HOOK3: variants seen among roughly 807,000 people sequenced by gnomAD.
HOOK3 encodes the protein protein Hook homolog 3.
A neutral mutation model predicts 116.3 loss-of-function variants in HOOK3; 24 were observed. The observed-to-expected ratio is 0.21, with a 90% CI of 0.15 to 0.29. The LOEUF is 0.29. Among genes scored for constraint, HOOK3 ranks in the 10% least tolerant of loss-of-function variants. The pLI, the probability that HOOK3 is intolerant of heterozygous loss-of-function variation, is 1.00. For synonymous variants in HOOK3, 275 were observed against 283.0 expected (o/e 0.97, Z 0.28); for missense variants, 632 against 830.2 (o/e 0.76, Z 2.93).
intron 13 of HOOK3, 92 bp downstream of exon 13, chr8:42,974,286 A>T (rs1808778500): frequency 1.1e-6 from 1 of 921,080 alleles, no homozygotes; most frequent in Non-Finnish European, 1.8e-6. Context: ...GTGCAATGGC[A>T]CTGTCTTGGC....
At chr8:42,955,514 A>T (rs1808416728) in intron 6 of HOOK3, among the ~76,000 whole-genome samples, 1 of 152,322 alleles carries the variant, frequency 6.6e-6, no homozygotes, top group Admixed American at 6.5e-5. Flanking sequence ...AAGACATGAA[A>T]TCTAGAGAAA....
chr8:42,964,274 T>C, intron 8 of HOOK3, 37 bp from the exon 9 acceptor site: 3 of 1,605,334 alleles, frequency 1.9e-6, no homozygotes. Context: ...CCAGTGTAGT[T>C]GGAAGAAATA....
chr8:42,936,498 C>T (rs1374481410), intron 4 of HOOK3, among the ~76,000 whole-genome samples: 1 of 152,144 alleles, frequency 6.6e-6, no homozygotes, highest in Non-Finnish European at 1.5e-5. Flanking sequence ...CCAGCTTTTG[C>T]CCATTCAGTA....
At chr8:42,955,856 C>T (rs890277726) in intron 6 of HOOK3, among the ~76,000 whole-genome samples, 1 of 152,186 alleles carries the variant, frequency 6.6e-6, no homozygotes, top group Non-Finnish European at 1.5e-5. Context: ...CTCAACAGTA[C>T]ATCCTTTTGC....
chr8:42,981,451 C>G (rs1008050724), intron 13 of HOOK3, among the ~76,000 whole-genome samples: 2 of 152,162 alleles, frequency 1.3e-5, no homozygotes, highest in African/African-American at 4.8e-5. Context: ...ATCCTTTGAC[C>G]TAGCACTTTT....
intron 3 of HOOK3, among the ~76,000 whole-genome samples, chr8:42,929,734 A>G (rs890609475): frequency 5.9e-5 from 9 of 152,274 alleles, no homozygotes; most frequent in African/African-American, 1.2e-4. Flanking sequence ...CTTAATTTCT[A>G]TATAGATGCA....
intron 18 of HOOK3, among the ~76,000 whole-genome samples, chr8:43,008,227 C>T (rs1032036405): frequency 2.6e-4 from 39 of 151,910 alleles, no homozygotes; most frequent in Non-Finnish European, 3.2e-4. Flanking sequence ...ACCATGTTAG[C>T]CAGGATGGTT....
intron 11 of HOOK3, among the ~76,000 whole-genome samples, chr8:42,972,622 A>C (rs1318589289): frequency 2.0e-5 from 3 of 152,062 alleles, no homozygotes; most frequent in Non-Finnish European, 4.4e-5. Flanking sequence ...TCTGGTCTCA[A>C]ATTTTGGGTT....
intron 2 of HOOK3, among the ~76,000 whole-genome samples, chr8:42,921,446 CTCTT>C (rs1807655591): frequency 6.6e-6 from 1 of 152,132 alleles, no homozygotes; most frequent in African/African-American, 2.4e-5. Context: ...ATTTTTATAA[CTCTT>C]TAATGTTTTA....
intron 2 of HOOK3, among the ~76,000 whole-genome samples, chr8:42,920,912 C>G (rs1024278526): frequency 2.0e-5 from 3 of 152,154 alleles, no homozygotes; most frequent in African/African-American, 7.2e-5. Flanking sequence ...TTACTGGTGT[C>G]ATACATGGTG....
chr8:43,002,035 T>C, intron 16 of HOOK3, 72 bp from the exon 17 acceptor site: 6 of 1,063,402 alleles, frequency 5.6e-6, no homozygotes, highest in Non-Finnish European at 8.6e-6. Context: ...ACTATTGTAC[T>C]TTTAACTTAA....
At chr8:42,946,832 G>A (rs1265555124) in intron 5 of HOOK3, among the ~76,000 whole-genome samples, 1 of 129,936 alleles carries the variant, frequency 7.7e-6, no homozygotes, top group Non-Finnish European at 1.6e-5. Flanking sequence ...CCAGTGGTGT[G>A]ATCTCGGCTC....
chr8:42,929,711 A>G (rs1161998874), intron 3 of HOOK3, among the ~76,000 whole-genome samples: 1 of 151,980 alleles, frequency 6.6e-6, no homozygotes, highest in Non-Finnish European at 1.5e-5. Context: ...TTTGCCTAAT[A>G]CTCTCTTTAG....
At chr8:42,958,030 C>T (rs1808466988) in intron 7 of HOOK3, among the ~76,000 whole-genome samples, 1 of 152,046 alleles carries the variant, frequency 6.6e-6, no homozygotes, top group Non-Finnish European at 1.5e-5. Flanking sequence ...GACGGGGTTT[C>T]ACCATGTTAG....
intron 1 of HOOK3, among the ~76,000 whole-genome samples, chr8:42,905,395 G>A (rs1329480883): frequency 1.4e-5 from 2 of 147,494 alleles, no homozygotes; most frequent in East Asian, 4.0e-4. Context: ...TCACTGCATT[G>A]GCCTAATCTT....
chr8:42,932,684 C>T (rs1370625111), intron 4 of HOOK3, among the ~76,000 whole-genome samples: 1 of 152,150 alleles, frequency 6.6e-6, no homozygotes, highest in South Asian at 2.1e-4. Flanking sequence ...AATCCAGTCT[C>T]TGAAAATGGT....
chr8:43,013,610 A>G (rs1315225880), intron 21 of HOOK3, among the ~76,000 whole-genome samples: 2 of 152,236 alleles, frequency 1.3e-5, no homozygotes, highest in Non-Finnish European at 2.9e-5. Flanking sequence ...TGAAAACATT[A>G]TTTCTAGAGG....
At chr8:42,997,205 C>T (rs377386161) in intron 15 of HOOK3, among the ~76,000 whole-genome samples, 1 of 152,152 alleles carries the variant, frequency 6.6e-6, no homozygotes, top group Non-Finnish European at 1.5e-5. Context: ...TTCCTGAGTG[C>T]AGAGATCTTT....
intron 4 of HOOK3, among the ~76,000 whole-genome samples, chr8:42,940,922 T>TTTTA (rs58441707): frequency 0.048 from 7,298 of 151,764 alleles, 223 homozygotes; most frequent in South Asian, 0.085. Context: ...ATTTTGTTTA[T>TTTTA]TTTATTTATT....
Sources: gnomAD v4.1 joint callset for allele counts (sites outside exome capture counted in the v4.1 genomes callset) on GRCh38, gnomAD v4.1.1 for gene constraint, MANE v1.5 for transcripts, NCBI Gene and HGNC (gene_info 2026-07-23, HGNC 2026-07-21) for gene names.